LRMDA: variants seen among roughly 807,000 people sequenced by gnomAD.
LRMDA encodes leucine rich melanocyte differentiation associated.
A neutral mutation model predicts 29.8 loss-of-function variants in LRMDA; 18 were observed. The observed-to-expected ratio is 0.60, with a 90% confidence interval of 0.42 to 0.90. The LOEUF (loss-of-function observed/expected upper bound fraction) is 0.90. LRMDA is among the 40% of genes least tolerant of loss of function. The pLI, the probability that LRMDA is intolerant of heterozygous loss-of-function variation, is 0.00. For missense variants in LRMDA, 273 were observed against 273.9 expected (o/e 1.00, Z 0.02); for synonymous variants, 125 against 109.4 (o/e 1.14, Z -0.89).
At chr10:76,278,723 A>T (rs1263206468) in intron 5 of LRMDA, among the ~76,000 whole-genome samples, 2 of 152,226 alleles carry the variant, frequency 1.3e-5, no homozygotes, top group Non-Finnish European at 2.9e-5. Flanking sequence ...AAGCTCTGCT[A>T]TGGAACCTCC....
intron 2 of LRMDA, among the ~76,000 whole-genome samples, chr10:75,637,544 C>T (rs1182932241): frequency 2.6e-5 from 4 of 152,122 alleles, no homozygotes; most frequent in African/African-American, 7.2e-5. Flanking sequence ...TTGGAAAACA[C>T]GTGTAGCATG....
At chr10:76,166,130 T>C (rs1482795727) in intron 5 of LRMDA, among the ~76,000 whole-genome samples, 1 of 152,216 alleles carries the variant, frequency 6.6e-6, no homozygotes, top group African/African-American at 2.4e-5. Context: ...ATTTGTCCGA[T>C]GTGAAGGGCA....
At chr10:76,250,625 A>G (rs1852460562) in intron 5 of LRMDA, among the ~76,000 whole-genome samples, 1 of 152,220 alleles carries the variant, frequency 6.6e-6, no homozygotes, top group South Asian at 2.1e-4. Context: ...ATTTTTCTCC[A>G]TTGGACATTC....
At chr10:76,030,740 G>A (rs962503754) in intron 2 of LRMDA, among the ~76,000 whole-genome samples, 5 of 152,114 alleles carry the variant, frequency 3.3e-5, no homozygotes, top group East Asian at 1.9e-4. Flanking sequence ...AGTGAGCTGC[G>A]ATTGTGCCAC....
intron 6 of LRMDA, among the ~76,000 whole-genome samples, chr10:76,384,174 A>G (rs74148465): frequency 0.022 from 3,343 of 152,312 alleles, 135 homozygotes; most frequent in African/African-American, 0.074. Flanking sequence ...TGAGGGTAGC[A>G]TGACATTTAC....
chr10:75,958,097 G>A (rs557927934), intron 2 of LRMDA, among the ~76,000 whole-genome samples: 44 of 152,136 alleles, frequency 2.9e-4, no homozygotes, highest in Non-Finnish European at 4.9e-4. Flanking sequence ...GATGGTGCTG[G>A]TGACAGAAAT....
chr10:75,697,850 T>TGTGTGTGTGTGTGTGTGTGTGTGTGC (rs10664076), intron 2 of LRMDA, among the ~76,000 whole-genome samples: 1 of 151,584 alleles, frequency 6.6e-6, no homozygotes, highest in African/African-American at 2.4e-5. Flanking sequence ...TGTGTGTGTG[T>TGTGTGTGTGTGTGTGTGTGTGTGTGC]GCGTGTGTGT....
At chr10:76,109,265 GCCTC>G (rs1849536759) in intron 5 of LRMDA, among the ~76,000 whole-genome samples, 4 of 152,122 alleles carry the variant, frequency 2.6e-5, no homozygotes, top group Admixed American at 2.6e-4. Context: ...TAGTGACAAG[GCCTC>G]CATCCTTGTT....
At chr10:75,879,440 G>T (rs1056587759) in intron 2 of LRMDA, among the ~76,000 whole-genome samples, 1 of 152,194 alleles carries the variant, frequency 6.6e-6, no homozygotes, top group African/African-American at 2.4e-5. Flanking sequence ...CAGCAGTCTG[G>T]CATTAGCCAT....
intron 6 of LRMDA, among the ~76,000 whole-genome samples, chr10:76,503,138 A>G (rs1020584613): frequency 6.6e-5 from 10 of 151,968 alleles, no homozygotes; most frequent in African/African-American, 2.2e-4. Flanking sequence ...CTTTTTCTGC[A>G]TCTATTGAGA....
intron 2 of LRMDA, among the ~76,000 whole-genome samples, chr10:75,958,565 GA>G (rs36051998): frequency 0.21 from 31,853 of 151,676 alleles, 3,874 homozygotes; most frequent in South Asian, 0.42. Flanking sequence ...AGTTCAGGTT[GA>G]AAAAAAACCT....
chr10:76,383,599 T>A (rs1057085841), intron 6 of LRMDA, among the ~76,000 whole-genome samples: 1 of 146,804 alleles, frequency 6.8e-6, no homozygotes, highest in African/African-American at 2.6e-5. Flanking sequence ...CCCGGCTAAT[T>A]TTTTGTATTT....
intron 2 of LRMDA, among the ~76,000 whole-genome samples, chr10:75,567,111 TTC>T (rs72521833): frequency 1.9e-4 from 28 of 150,292 alleles, no homozygotes; most frequent in Admixed American, 2.6e-4. Flanking sequence ...AGCTGCTGTC[TTC>T]TCTCTCTCTC....
chr10:75,559,226 A>G (rs1310219488), intron 2 of LRMDA, among the ~76,000 whole-genome samples: 1 of 152,074 alleles, frequency 6.6e-6, no homozygotes, highest in Non-Finnish European at 1.5e-5. Flanking sequence ...TCGCCATTCT[A>G]ACTGGTGTGA....
At chr10:76,397,981 C>T (rs1239593086) in intron 6 of LRMDA, among the ~76,000 whole-genome samples, 1 of 152,202 alleles carries the variant, frequency 6.6e-6, no homozygotes, top group Non-Finnish European at 1.5e-5. Flanking sequence ...CAGGCTTTCT[C>T]TAAATATATT....
chr10:75,786,113 G>A (rs1348396206), intron 2 of LRMDA, among the ~76,000 whole-genome samples: 3 of 152,194 alleles, frequency 2.0e-5, no homozygotes, highest in African/African-American at 7.2e-5. Flanking sequence ...TTAGCCCAAG[G>A]GGCAGGCTCA....
chr10:76,225,287 T>C (rs958268455), intron 5 of LRMDA, among the ~76,000 whole-genome samples: 50 of 151,908 alleles, frequency 3.3e-4, no homozygotes, highest in Non-Finnish European at 6.3e-4. Context: ...GGTGGGCGCC[T>C]GTAATCCCAG....
At chr10:75,548,997 T>G (rs751946541) in intron 2 of LRMDA, among the ~76,000 whole-genome samples, 63 of 152,170 alleles carry the variant, frequency 4.1e-4, no homozygotes, top group Admixed American at 9.8e-4. Flanking sequence ...GTATATCCAC[T>G]GTTTCTGCAT....
chr10:76,272,809 G>A (rs1022318724), intron 5 of LRMDA, among the ~76,000 whole-genome samples: 3 of 152,094 alleles, frequency 2.0e-5, no homozygotes, highest in African/African-American at 7.2e-5. Flanking sequence ...AAGGAGAAGC[G>A]ACACACAACT....
Sources: allele counts gnomAD v4.1 joint callset (sites outside exome capture counted in the v4.1 genomes callset), GRCh38; gene constraint gnomAD v4.1.1; transcripts MANE v1.5; gene names NCBI Gene and HGNC (gene_info 2026-07-23, HGNC 2026-07-21).